Variants in ABCG2 observed in about 807,000 individuals in gnomAD.
The protein encoded by ABCG2 is broad substrate specificity ATP-binding cassette transporter ABCG2.
A neutral mutation model predicts 73.5 loss-of-function variants in ABCG2; 80 were observed. The observed-to-expected ratio is 1.09, with a 90% CI of 0.91 to 1.31. ABCG2 has a LOEUF of 1.31. ABCG2 is among the 50% of genes most tolerant of loss of function. ABCG2 has a pLI of 0.00. For missense variants in ABCG2, 796 were observed against 786.2 expected, an observed-to-expected ratio of 1.01 and a Z score of -0.15; for synonymous variants, 269 against 282.4, an observed-to-expected ratio of 0.95 and a Z score of 0.48.
intron 1 of ABCG2, among the ~76,000 whole-genome samples, chr4:88,167,468 G>A (rs1265969863): frequency 1.4e-5 from 2 of 145,308 alleles, no homozygotes; most frequent in Admixed American, 1.4e-4. Flanking sequence ...TCGCCTCCCA[G>A]GCTCAAGCAA....
chr4:88,147,012 A>G (rs1461466604), intron 1 of ABCG2, among the ~76,000 whole-genome samples: 2 of 135,702 alleles, frequency 1.5e-5, no homozygotes, highest in African/African-American at 2.9e-5. Flanking sequence ...AAAGAGAAAG[A>G]AAAGGAAAGA....
intron 1 of ABCG2, among the ~76,000 whole-genome samples, chr4:88,154,702 G>A (rs540103507): frequency 1.3e-5 from 2 of 152,280 alleles, no homozygotes; most frequent in African/African-American, 4.8e-5. Flanking sequence ...TAATGTGGGA[G>A]GCCGGATTGA....
chr4:88,132,038 T>TTTAG, intron 3 of ABCG2, 121 bp from the exon 4 acceptor site: 1 of 637,756 alleles, frequency 1.6e-6, no homozygotes, highest in Non-Finnish European at 2.7e-6. Context: ...CAAATTCTAC[T>TTTAG]TTAGTTAGAA....
chr4:88,213,037 G>A (rs1474651932), intron 1 of ABCG2, among the ~76,000 whole-genome samples: 1 of 152,068 alleles, frequency 6.6e-6, no homozygotes, highest in East Asian at 1.9e-4. Context: ...GAGTAGCTGG[G>A]ACTACCAATG....
intron 1 of ABCG2, among the ~76,000 whole-genome samples, chr4:88,224,638 C>T (rs745448763): frequency 2.6e-5 from 4 of 151,922 alleles, no homozygotes; most frequent in Non-Finnish European, 4.4e-5. Context: ...ACTATAGGTG[C>T]GCACCACCAC....
intron 1 of ABCG2, among the ~76,000 whole-genome samples, chr4:88,217,427 G>A (rs1403731210): frequency 6.6e-6 from 1 of 152,168 alleles, no homozygotes; most frequent in Admixed American, 6.5e-5. Flanking sequence ...TTGTGAGGCC[G>A]AGGTGAGCAG....
intron 2 of ABCG2, 25 bp downstream of exon 2, chr4:88,139,768 T>C (rs1317657919): frequency 1.9e-6 from 3 of 1,595,884 alleles, no homozygotes; most frequent in Non-Finnish European, 2.6e-6. Context: ...TAAAAAGCTG[T>C]CTTTTTACAA....
chr4:88,222,776 C>T (rs981437869), intron 1 of ABCG2, among the ~76,000 whole-genome samples: 1 of 152,212 alleles, frequency 6.6e-6, no homozygotes, highest in Non-Finnish European at 1.5e-5. Flanking sequence ...CCTCCAGACC[C>T]CAGAATGGTA....
intron 11 of ABCG2, among the ~76,000 whole-genome samples, chr4:88,100,434 TA>T (rs1486762662): frequency 6.8e-6 from 1 of 146,970 alleles, no homozygotes; most frequent in Non-Finnish European, 1.5e-5. Flanking sequence ...ACCCGGGAGG[TA>T]GAGATTGCAG....
intron 1 of ABCG2, among the ~76,000 whole-genome samples, chr4:88,184,558 C>T (rs538659579): frequency 6.6e-6 from 1 of 152,064 alleles, no homozygotes; most frequent in Admixed American, 6.5e-5. Flanking sequence ...GAAGAGGACA[C>T]CAAAAATGGA....
intron 1 of ABCG2, among the ~76,000 whole-genome samples, chr4:88,143,010 G>T (rs1356414077): frequency 1.3e-5 from 2 of 152,160 alleles, no homozygotes; most frequent in Middle Eastern, 3.4e-3. Flanking sequence ...AACATATACA[G>T]AATTTTTTCA....
chr4:88,179,055 G>A (rs781271913), intron 1 of ABCG2, among the ~76,000 whole-genome samples: 6 of 151,708 alleles, frequency 4.0e-5, no homozygotes, highest in Non-Finnish European at 8.8e-5. Flanking sequence ...AACATAGGTG[G>A]TAGACAGGCA....
rs1456149948 is a variant in ABCG2 at position 88,114,989 on chromosome 4, G to T, written c.911C>A (p.Ala304Asp). 1 of 1,612,368 alleles carries T rather than the reference G, an allele frequency of 6.2e-7. No individual in the cohort carries two copies. The highest frequency in any genetic ancestry group is 2.2e-5 in the East Asian group (1 of 44,748). Residue 304 changes from alanine to aspartate, a missense_variant, in exon 8 of 16, where the codon GCT (alanine) becomes GAT (aspartate). Coordinates refer to ENST00000237612, the MANE Select transcript of ABCG2 (RefSeq NM_004827.3). ...FLDIINGDST[A>D]VALNREEDFK... is the part of the protein sequence containing the mutation. ...GTCTTCTTCTCTGTTTAATGCCACA[G>T]CAGTGGAATCTCCATTAATGATGTC...
intron 11 of ABCG2, 139 bp from the exon 12 acceptor site, chr4:88,099,587 C>T (rs112144815): frequency 2.0e-5 from 15 of 767,972 alleles, no homozygotes; most frequent in African/African-American, 1.6e-4. Flanking sequence ...GCTAGACCCA[C>T]TATGCATGCC....
chr4:88,209,687 A>C (rs574627128), intron 1 of ABCG2, among the ~76,000 whole-genome samples: 3 of 152,112 alleles, frequency 2.0e-5, no homozygotes, highest in African/African-American at 4.8e-5. Flanking sequence ...AAACAAAAAC[A>C]AAAAACAAAG....
At chr4:88,202,650 G>A (rs1188842958) in intron 1 of ABCG2, among the ~76,000 whole-genome samples, 1 of 151,672 alleles carries the variant, frequency 6.6e-6, no homozygotes, top group Non-Finnish European at 1.5e-5. Flanking sequence ...ACTTCCCATG[G>A]CTCCACCCCG....
At position 88,139,783 on chromosome 4, in the gene ABCG2, A is replaced by G. The variant is rs1353525997; in HGVS notation, c.203+10T>C. ...TAAAAAGCTGTCTTTTTACAAGTTCATGTACATACTTGATATTCGATAATA... is the reference window on the plus strand; with the variant it reads ...TAAAAAGCTGTCTTTTTACAAGTTCGTGTACATACTTGATATTCGATAATA... On this transcript the variant is annotated intron_variant, in intron 2 of 15. Coordinates refer to ENST00000237612, the MANE Select transcript of ABCG2 (RefSeq NM_004827.3). 6.2e-7 allele frequency: 1 copy of G among 1,611,212 alleles called. No homozygotes were observed. The highest frequency in any genetic ancestry group is 8.5e-7 in the Non-Finnish European group (1 of 1,178,192).
Position 88,094,643 on chromosome 4 carries a change from TCATTATGCTGCAAAGCCTATAACA to T in ABCG2, c.1738-8_1753del. ...TGGGCAGAAGTTTTGTCCCAAAAATTCATTATGCTGCAAAGCCTATAACACAAGTGGGAGCAGGGCAAGGTAAAC... is the reference window on the plus strand; with the variant it reads ...TGGGCAGAAGTTTTGTCCCAAAAATTCAAGTGGGAGCAGGGCAAGGTAAAC... On this transcript the variant is annotated splice_acceptor_variant and splice_polypyrimidine_tract_variant and coding_sequence_variant and intron_variant, in exon 15 of 16. Transcript: ENST00000237612. LOFTEE classifies it high-confidence loss of function. 1.9e-6 allele frequency: 3 copies of T among 1,613,820 alleles called. No individual in the cohort carries two copies. Among genetic ancestry groups the T allele is most frequent in the Non-Finnish European group, 2.5e-6 (3 of 1,179,702 alleles).
chr4:88,108,693 A>G (rs2109997810), intron 9 of ABCG2, among the ~76,000 whole-genome samples: 1 of 152,360 alleles, frequency 6.6e-6, no homozygotes, highest in East Asian at 1.9e-4. Context: ...GATCAAGGAC[A>G]CTTTTGGCAT....
Sources: gnomAD v4.1 joint callset for allele counts (sites outside exome capture counted in the v4.1 genomes callset) on GRCh38, gnomAD v4.1.1 for gene constraint, MANE v1.5 for transcripts, NCBI Gene and HGNC (gene_info 2026-07-23, HGNC 2026-07-21) for gene names.